Variants in PTPRG observed in about 807,000 individuals in gnomAD.
PTPRG encodes the protein receptor-type tyrosine-protein phosphatase gamma.
In PTPRG, 102 loss-of-function variants were observed where a neutral mutation model predicts 165.3. That is an observed-to-expected ratio of 0.62 (90% confidence interval 0.53 to 0.73). The LOEUF (loss-of-function observed/expected upper bound fraction) is 0.73. PTPRG is among the 30% of genes least tolerant of loss of function. The probability of loss-of-function intolerance (pLI) is 0.00; values close to 1 mark genes in which losing one functional copy is unlikely to be tolerated. For missense variants in PTPRG, 1,866 were observed against 1,861.4 expected (o/e 1.00, Z -0.05); for synonymous variants, 675 against 669.5 (o/e 1.01, Z -0.13).
chr3:61,884,151 T>C (rs1418734882), intron 2 of PTPRG, among the ~76,000 whole-genome samples: 1 of 152,204 alleles, frequency 6.6e-6, no homozygotes, highest in Non-Finnish European at 1.5e-5. Context: ...AGTTTTACAT[T>C]TTTTCTCCTG....
intron 1 of PTPRG, among the ~76,000 whole-genome samples, chr3:61,729,073 CA>C (rs994754583): frequency 2.0e-5 from 3 of 150,442 alleles, no homozygotes; most frequent in African/African-American, 7.3e-5. Flanking sequence ...AAAAAACAAA[CA>C]AACAAACAAA....
intron 1 of PTPRG, among the ~76,000 whole-genome samples, chr3:61,580,845 T>C (rs908750909): frequency 5.9e-5 from 9 of 152,338 alleles, no homozygotes; most frequent in Admixed American, 2.6e-4. Flanking sequence ...GGTAACAGGA[T>C]ATAATTATAC....
intron 2 of PTPRG, among the ~76,000 whole-genome samples, chr3:61,988,070 G>A (rs139827865): frequency 2.2e-4 from 34 of 152,066 alleles, no homozygotes; most frequent in Admixed American, 2.0e-3. Flanking sequence ...GGATAGTAGC[G>A]CGACACTTAT....
chr3:61,668,238 A>G (rs1702862081), intron 1 of PTPRG, among the ~76,000 whole-genome samples: 1 of 152,224 alleles, frequency 6.6e-6, no homozygotes, highest in Non-Finnish European at 1.5e-5. Flanking sequence ...AAACTCATAC[A>G]TTGAAGGTCC....
intron 4 of PTPRG, among the ~76,000 whole-genome samples, chr3:62,035,552 C>T (rs771957176): frequency 8.5e-5 from 13 of 152,216 alleles, no homozygotes; most frequent in African/African-American, 2.4e-5. Context: ...TCCTGTTCAG[C>T]TCAGTCCCTA....
chr3:61,787,802 G>A (rs2034754033), intron 2 of PTPRG, among the ~76,000 whole-genome samples: 2 of 152,184 alleles, frequency 1.3e-5, no homozygotes, highest in South Asian at 4.1e-4. Context: ...TTTATTACGG[G>A]AATTACCTTC....
chr3:62,202,402 T>A (rs953222988), intron 11 of PTPRG, among the ~76,000 whole-genome samples: 4 of 152,202 alleles, frequency 2.6e-5, no homozygotes, highest in African/African-American at 9.6e-5. Context: ...GGGGTGATGA[T>A]CATGCCTGCC....
In PTPRG at chr3:62,237,294, TTTTG is replaced by T. The variant is rs1313872094; in HGVS notation, c.2375+5995_2375+5998del. Among the ~76,000 whole-genome samples the T allele has an allele frequency of 5.3e-5, 8 of 152,094 alleles. No homozygotes were observed. The highest frequency in any genetic ancestry group is 1.7e-4 in the African/African-American group (7 of 41,408). ...TGGGGGGTCAGAAGTCTAGAGGTTT[TTTTG>T]TTTGTTTGTTTTGGTTATTTTGCTA... On this transcript the variant is annotated intron_variant, in intron 14 of 29. Transcript: ENST00000474889. The surrounding 1 kb of genome is among the most constrained non-coding windows in gnomAD (Gnocchi z 4.5).
chr3:62,292,093 TG>T (rs931598630), intron 28 of PTPRG, among the ~76,000 whole-genome samples: 19 of 152,174 alleles, frequency 1.2e-4, no homozygotes, highest in Admixed American at 6.6e-5. Context: ...TTCTCTTTAT[TG>T]TTTTTTCTAT....
At chr3:61,664,349 T>C (rs1702748491) in intron 1 of PTPRG, among the ~76,000 whole-genome samples, 1 of 152,104 alleles carries the variant, frequency 6.6e-6, no homozygotes, top group Admixed American at 6.5e-5. Flanking sequence ...AGCCCAGAGC[T>C]CTTGGTCTGA....
intron 2 of PTPRG, among the ~76,000 whole-genome samples, chr3:61,842,533 A>G (rs2036666076): frequency 6.6e-6 from 1 of 152,180 alleles, no homozygotes; most frequent in African/African-American, 2.4e-5. Context: ...CCCACATTAA[A>G]TCAACCCAAC....
At chr3:61,774,432 G>T (rs1304464055) in intron 2 of PTPRG, among the ~76,000 whole-genome samples, 3 of 152,224 alleles carry the variant, frequency 2.0e-5, no homozygotes, top group Non-Finnish European at 4.4e-5. Flanking sequence ...TATACGAAAT[G>T]TGAGAGTTGG....
rs1701492642 is a variant in PTPRG, at chr3:62,254,517, A to C, written c.2468-607A>C. On this transcript the variant is annotated intron_variant, in intron 15 of 29. Transcript: ENST00000474889. This position sits in a 1 kb window ranked among gnomAD's most constrained non-coding sequence, Gnocchi z 4.6. ...CTGTCAACACCAAAAAAATCCAGTT[A>C]ATTCAGTCAAACTGATTATTTGGCA... Among the ~76,000 whole-genome samples the C allele has an allele frequency of 6.6e-6, 1 of 152,160 alleles. No homozygotes were observed. Among genetic ancestry groups the C allele is most frequent in the Non-Finnish European group, 1.5e-5 (1 of 68,020 alleles).
At chr3:62,024,191 T>C (rs945472024) in intron 4 of PTPRG, among the ~76,000 whole-genome samples, 1 of 152,170 alleles carries the variant, frequency 6.6e-6, no homozygotes, top group Admixed American at 6.5e-5. Context: ...TCAAGGTAAT[T>C]AACATACATT....
chr3:61,783,842 T>C (rs1346076629), intron 2 of PTPRG, among the ~76,000 whole-genome samples: 4 of 152,158 alleles, frequency 2.6e-5, no homozygotes, highest in African/African-American at 9.7e-5. Flanking sequence ...AGAGCCTTCA[T>C]GCCAAGTTTT....
intron 2 of PTPRG, among the ~76,000 whole-genome samples, chr3:61,840,857 C>G (rs1239759518): frequency 6.9e-6 from 1 of 144,370 alleles, no homozygotes; most frequent in Non-Finnish European, 1.5e-5. Flanking sequence ...GATCTCTGCT[C>G]ACTGCAACCT....
At chr3:61,705,792 G>A (rs2031220775) in intron 1 of PTPRG, among the ~76,000 whole-genome samples, 2 of 152,162 alleles carry the variant, frequency 1.3e-5, no homozygotes, top group Admixed American at 1.3e-4. Flanking sequence ...ATCATTCTTG[G>A]GGAGGACTGA....
chr3:61,717,891 T>C (rs1341473774), intron 1 of PTPRG, among the ~76,000 whole-genome samples: 1 of 151,904 alleles, frequency 6.6e-6, no homozygotes, highest in African/African-American at 2.4e-5. Flanking sequence ...TTGTAAAAAC[T>C]AAGACTCGAC....
intron 2 of PTPRG, among the ~76,000 whole-genome samples, chr3:61,955,713 T>TA (rs1202538949): frequency 5.9e-5 from 9 of 152,336 alleles, no homozygotes; most frequent in Non-Finnish European, 4.4e-5. Flanking sequence ...CATACTGTGT[T>TA]ACTCTAGGGA....
Sources: allele counts gnomAD v4.1 joint callset (sites outside exome capture counted in the v4.1 genomes callset), GRCh38; gene constraint gnomAD v4.1.1; non-coding constraint Gnocchi (gnomAD v3.1); transcripts MANE v1.5; gene names NCBI Gene and HGNC (gene_info 2026-07-23, HGNC 2026-07-21).